Variants in FRMD4B observed in about 807,000 individuals in gnomAD.
The protein encoded by FRMD4B is FERM domain-containing protein 4B.
A neutral mutation model predicts 141.5 loss-of-function variants in FRMD4B; 74 were observed. That is an observed-to-expected ratio of 0.52 (90% CI 0.43 to 0.63). FRMD4B has a LOEUF of 0.63. Ranked by LOEUF, FRMD4B falls within the 30% of genes least tolerant of loss-of-function variation. The probability of loss-of-function intolerance (pLI) is 0.00; values close to 1 mark genes in which losing one functional copy is unlikely to be tolerated. For synonymous variants in FRMD4B, 506 were observed against 467.9 expected (o/e 1.08, Z -1.05); for missense variants, 1,366 against 1,253.4 (o/e 1.09, Z -1.36).
At chr3:69,397,180 T>C (rs925423099) in intron 2 of FRMD4B, among the ~76,000 whole-genome samples, 1 of 152,040 alleles carries the variant, frequency 6.6e-6, no homozygotes, top group African/African-American at 2.4e-5. Context: ...TACTCAGCCA[T>C]AAAAAGGAAT....
At chr3:69,184,076 T>A (rs937628938) in intron 19 of FRMD4B, among the ~76,000 whole-genome samples, 5 of 151,978 alleles carry the variant, frequency 3.3e-5, no homozygotes, top group Non-Finnish European at 5.9e-5. Flanking sequence ...TTATTTTTTT[T>A]ATTTTTTTTA....
rs755311036 is a variant in FRMD4B, at chr3:69,202,016, C to T, written c.877-3242G>A. ...GTCAGGAGTTCGGGACCAGCCTGAA[C>T]AACATGGTGAAACCCCGTGTCTACT... is the stretch of plus-strand genomic sequence containing the variant. On this transcript the variant is annotated intron_variant, in intron 11 of 22. Coordinates refer to ENST00000398540, the MANE Select transcript of FRMD4B (RefSeq NM_015123.3). Among the ~76,000 whole-genome samples the T allele has an allele frequency of 3.3e-4, 50 of 152,208 alleles. 1 individual carries two copies. Among genetic ancestry groups the T allele is most frequent in the Middle Eastern group, 6.8e-3 (2 of 294 alleles).
intron 1 of FRMD4B, among the ~76,000 whole-genome samples, chr3:69,462,892 C>G (rs565512976): frequency 6.6e-6 from 1 of 152,198 alleles, no homozygotes; most frequent in Non-Finnish European, 1.5e-5. Flanking sequence ...CCCAAGACAC[C>G]CCTGGAAGAC....
At chr3:69,347,733 C>G (rs976568590) in intron 1 of FRMD4B, among the ~76,000 whole-genome samples, 1 of 152,158 alleles carries the variant, frequency 6.6e-6, no homozygotes, top group African/African-American at 2.4e-5. Flanking sequence ...TGAAAGACTA[C>G]TGGGTACATA....
intron 11 of FRMD4B, among the ~76,000 whole-genome samples, chr3:69,209,976 A>G (rs2093059969): frequency 6.6e-6 from 1 of 152,232 alleles, no homozygotes; most frequent in African/African-American, 2.4e-5. Flanking sequence ...ACTGTCTTTA[A>G]ATAAAATAAC....
At chr3:69,294,336 T>C (rs1238146982) in intron 4 of FRMD4B, among the ~76,000 whole-genome samples, 1 of 152,224 alleles carries the variant, frequency 6.6e-6, no homozygotes, top group Non-Finnish European at 1.5e-5. Flanking sequence ...AAGGTAGTCA[T>C]ATCTCACTTT....
chr3:69,337,400 G>A (rs1162742998), intron 1 of FRMD4B, among the ~76,000 whole-genome samples: 1 of 152,172 alleles, frequency 6.6e-6, no homozygotes, highest in African/African-American at 2.4e-5. Flanking sequence ...GCATGGGCAA[G>A]GACTTCATGT....
intron 1 of FRMD4B, among the ~76,000 whole-genome samples, chr3:69,520,062 T>TG (rs1700829132): frequency 3.5e-5 from 4 of 115,518 alleles, no homozygotes; most frequent in South Asian, 2.6e-4. Flanking sequence ...TATATATATA[T>TG]GATGGAATAT....
chr3:69,188,377 G>A (rs909149411), intron 18 of FRMD4B, among the ~76,000 whole-genome samples: 1 of 152,206 alleles, frequency 6.6e-6, no homozygotes, highest in African/African-American at 2.4e-5. Context: ...TTAGAGGCTT[G>A]TTATGTTTTC....
At chr3:69,495,212 C>T (rs566810847) in intron 1 of FRMD4B, among the ~76,000 whole-genome samples, 1 of 152,300 alleles carries the variant, frequency 6.6e-6, no homozygotes, top group African/African-American at 2.4e-5. Context: ...ATACACTCCT[C>T]TTTACTGTAG....
chr3:69,482,936 A>G (rs1010685629), intron 1 of FRMD4B, among the ~76,000 whole-genome samples: 1 of 152,238 alleles, frequency 6.6e-6, no homozygotes, highest in South Asian at 2.1e-4. Flanking sequence ...TTGTACAGAA[A>G]GAGCAGACAC....
In FRMD4B at chr3:69,456,032, T is replaced by C. The variant is rs559960247; in HGVS notation, c.-128-23271A>G. Among the ~76,000 whole-genome samples the C allele has an allele frequency of 3.3e-5, 5 of 152,340 alleles. No individual in the cohort carries two copies. In the South Asian group the frequency reaches 1.0e-3, roughly 32 times the overall value. On this transcript the variant is annotated intron_variant, in intron 1 of 5. Coordinates refer to the FRMD4B transcript ENST00000459638. ...TGCACATCAAGGACTTAGTTTAGTT[T>C]CTGGCACGTGGTGAAGGCAGTTAAT...
chr3:69,388,061 T>A (rs1553735043), upstream of FRMD4B, among the ~76,000 whole-genome samples: 1 of 152,116 alleles, frequency 6.6e-6, no homozygotes, highest in Non-Finnish European at 1.5e-5. Context: ...AATGCCCTAT[T>A]AGTACGAGCA....
intron 1 of FRMD4B, among the ~76,000 whole-genome samples, chr3:69,535,497 A>G (rs368732662): frequency 6.6e-6 from 1 of 152,208 alleles, no homozygotes; most frequent in Non-Finnish European, 1.5e-5. Context: ...GAGCCTTTAC[A>G]TCTGCACAAG....
At chr3:69,295,635 G>A (rs369169497) in intron 4 of FRMD4B, among the ~76,000 whole-genome samples, 10 of 152,066 alleles carry the variant, frequency 6.6e-5, no homozygotes, top group South Asian at 4.2e-4. Context: ...CATCATTGAC[G>A]TCAGTAAGTG....
chr3:69,284,703 C>G (rs182303760), intron 5 of FRMD4B, among the ~76,000 whole-genome samples: 14 of 152,214 alleles, frequency 9.2e-5, no homozygotes, highest in African/African-American at 3.4e-4. Flanking sequence ...AAACATGACC[C>G]ATAACAAAGA....
chr3:69,314,470 G>T (rs182784589), intron 1 of FRMD4B, among the ~76,000 whole-genome samples: 3 of 151,528 alleles, frequency 2.0e-5, no homozygotes, highest in Admixed American at 6.6e-5. Context: ...GGTGTTTGCA[G>T]TGAGTTGAGA....
intron 1 of FRMD4B, among the ~76,000 whole-genome samples, chr3:69,346,206 C>T (rs1169394120): frequency 1.3e-5 from 2 of 151,824 alleles, no homozygotes; most frequent in East Asian, 1.9e-4. Flanking sequence ...AGTAGCGATT[C>T]GATCAAGCGG....
intron 11 of FRMD4B, among the ~76,000 whole-genome samples, chr3:69,202,363 G>A (rs201841273): frequency 6.6e-6 from 1 of 151,208 alleles, no homozygotes; most frequent in East Asian, 1.9e-4. Flanking sequence ...TGACATATAT[G>A]TGTGTGTGTG....
Sources: allele counts gnomAD v4.1 joint callset (sites outside exome capture counted in the v4.1 genomes callset), GRCh38; gene constraint gnomAD v4.1.1; transcripts MANE v1.5; gene names NCBI Gene and HGNC (gene_info 2026-07-23, HGNC 2026-07-21).